The following CCSER2 variants were observed in gnomAD, a reference collection of about 807,000 sequenced individuals.
The protein encoded by CCSER2 is serine-rich coiled-coil domain-containing protein 2.
Under a neutral mutation model 92.3 loss-of-function variants are expected in CCSER2, and 46 were observed. That is an observed-to-expected ratio of 0.50 (90% CI 0.39 to 0.64). The LOEUF (loss-of-function observed/expected upper bound fraction) is 0.64, where lower values mean the gene tolerates loss of function less well. Ranked by LOEUF, CCSER2 falls within the 30% of genes least tolerant of loss-of-function variation. The pLI, the probability that CCSER2 is intolerant of heterozygous loss-of-function variation, is 0.00. For synonymous variants in CCSER2, 433 were observed against 431.4 expected (o/e 1.00, Z -0.04); for missense variants, 1,244 against 1,238.9 (o/e 1.00, Z -0.06).
At chr10:84,382,403 C>T (rs1425176453) in intron 3 of CCSER2, among the ~76,000 whole-genome samples, 1 of 152,158 alleles carries the variant, frequency 6.6e-6, no homozygotes, top group Non-Finnish European at 1.5e-5. Context: ...CTCTCAGTCT[C>T]AGAATTTTTG....
At chr10:84,462,254 C>CT (rs1182050955) in intron 6 of CCSER2, among the ~76,000 whole-genome samples, 2 of 152,168 alleles carry the variant, frequency 1.3e-5, no homozygotes, top group East Asian at 3.8e-4. Context: ...CTGGACTTCT[C>CT]TTTTTTCCTC....
chr10:84,500,084 A>C, intron 9 of CCSER2: 1 of 1,305,974 alleles, frequency 7.7e-7, no homozygotes, highest in East Asian at 2.4e-5. Flanking sequence ...CATCTGCTAA[A>C]GCAGCACTCT....
chr10:84,370,976 T>G (rs1480036637), intron 1 of CCSER2, 38 bp from the exon 2 acceptor site: 7 of 885,016 alleles, frequency 7.9e-6, no homozygotes, highest in Non-Finnish European at 1.2e-5. Context: ...TTATCCTTAT[T>G]TAGGAATGTT....
chr10:84,429,817 G>A (rs1843664459), intron 5 of CCSER2, among the ~76,000 whole-genome samples: 1 of 150,590 alleles, frequency 6.6e-6, no homozygotes, highest in African/African-American at 2.5e-5. Flanking sequence ...CTTCGCTCTG[G>A]CCACTTAACT....
intron 9 of CCSER2, among the ~76,000 whole-genome samples, chr10:84,496,971 T>TC (rs1268351015): frequency 6.6e-6 from 1 of 152,198 alleles, no homozygotes; most frequent in Non-Finnish European, 1.5e-5. Context: ...AAACTGGAAT[T>TC]CCCTGTTCTA....
chr10:84,415,707 A>T (rs1170932556), intron 3 of CCSER2, among the ~76,000 whole-genome samples: 1 of 152,074 alleles, frequency 6.6e-6, no homozygotes, highest in Admixed American at 6.5e-5. Flanking sequence ...GTTGTGGGGG[A>T]CACTTTCTTG....
intron 3 of CCSER2, among the ~76,000 whole-genome samples, chr10:84,403,413 A>G (rs1465027917): frequency 6.6e-6 from 1 of 152,174 alleles, no homozygotes; most frequent in African/African-American, 2.4e-5. Context: ...AACATAATCC[A>G]TAAGAAAGAA....
At chr10:84,483,953 T>TTTTATATA (rs1426923651) in intron 9 of CCSER2, among the ~76,000 whole-genome samples, 4 of 48,054 alleles carry the variant, frequency 8.3e-5, no homozygotes, top group South Asian at 8.3e-4. Context: ...CCCGGCTAAT[T>TTTTATATA]TATATATATA....
At chr10:84,483,432 AT>A (rs1847574676) in intron 9 of CCSER2, among the ~76,000 whole-genome samples, 1 of 151,956 alleles carries the variant, frequency 6.6e-6, no homozygotes, top group South Asian at 2.1e-4. Context: ...TGGGCCTCAG[AT>A]ATACTGGGTC....
chr10:84,484,469 T>C (rs1847682061), intron 9 of CCSER2, among the ~76,000 whole-genome samples: 1 of 147,416 alleles, frequency 6.8e-6, no homozygotes, highest in Non-Finnish European at 1.5e-5. Context: ...TGGAGAGACG[T>C]TGCATGCATG....
chr10:84,392,169 C>T (rs1259435453), intron 3 of CCSER2: 3 of 550,750 alleles, frequency 5.4e-6, no homozygotes, highest in Non-Finnish European at 9.8e-6. Context: ...GTAGGGAATA[C>T]ACTACAATCT....
intron 1 of CCSER2, among the ~76,000 whole-genome samples, chr10:84,335,537 A>G (rs1479087401): frequency 1.3e-5 from 2 of 151,878 alleles, no homozygotes; most frequent in African/African-American, 2.4e-5. Flanking sequence ...AGCCACCACA[A>G]CTGGCCCTGC....
chr10:84,431,559 T>C (rs1048270525), intron 5 of CCSER2, among the ~76,000 whole-genome samples: 7 of 152,060 alleles, frequency 4.6e-5, no homozygotes, highest in African/African-American at 1.7e-4. Context: ...TGGGCACATA[T>C]TGAGTCCTCG....
intron 9 of CCSER2, among the ~76,000 whole-genome samples, chr10:84,509,748 G>A (rs1344792913): frequency 6.6e-6 from 1 of 152,162 alleles, no homozygotes; most frequent in East Asian, 1.9e-4. Flanking sequence ...ATAGGGAGTA[G>A]TTAAGATATG....
intron 1 of CCSER2, among the ~76,000 whole-genome samples, chr10:84,347,383 CG>C (rs1260218186): frequency 6.7e-6 from 1 of 150,316 alleles, no homozygotes; most frequent in African/African-American, 2.4e-5. Context: ...ACCTCCCGGA[CG>C]GGGCGGCTGG....
Position 84,457,229 on chromosome 10 carries a change from T to A in CCSER2, c.2065-6704T>A, listed in dbSNP as rs1239240460. On this transcript the variant is annotated intron_variant, in intron 6 of 9. Coordinates refer to ENST00000372088, the MANE Select transcript of CCSER2 (RefSeq NM_001284240.2). ...TTATATATATATTACATATTATATATAAATATATTATATATTATATATTAT... is the reference window on the plus strand; with the variant it reads ...TTATATATATATTACATATTATATAAAAATATATTATATATTATATATTAT... Among the ~76,000 whole-genome samples, 13 of 85,846 alleles carry A rather than the reference T, an allele frequency of 1.5e-4. No homozygotes were observed. The East Asian group carries it at 2.9e-3, about 19-fold the overall frequency. 56.3% of individuals were successfully genotyped at this position (85,846 alleles called of 152,430 possible).
chr10:84,388,774 A>C (rs1455502318), intron 3 of CCSER2, among the ~76,000 whole-genome samples: 1 of 152,052 alleles, frequency 6.6e-6, no homozygotes, highest in East Asian at 1.9e-4. Context: ...TGCAACCTAG[A>C]TCCCTCATGT....
chr10:84,359,861 T>C (rs1303166388), intron 1 of CCSER2, among the ~76,000 whole-genome samples: 1 of 152,150 alleles, frequency 6.6e-6, no homozygotes, highest in Non-Finnish European at 1.5e-5. Flanking sequence ...TTGTCCAGGC[T>C]GGAGTGCAGT....
rs144018257 is a variant in CCSER2, at chr10:84,510,085, A to G, written c.2326-3364A>G. Among the ~76,000 whole-genome samples, 358 of 152,266 alleles carry G rather than the reference A, an allele frequency of 2.4e-3. 1 individual carries two copies. The highest frequency in any genetic ancestry group is 8.2e-3 in the African/African-American group (342 of 41,554). On this transcript the variant is annotated intron_variant, in intron 9 of 9. Coordinates refer to ENST00000372088, the MANE Select transcript of CCSER2 (RefSeq NM_001284240.2). ...CTATATCTCCCATCATCTACAGCAC[A>G]AAGTCATAGCTACTTAGCCTGACAT...
Sources: gnomAD v4.1 joint callset for allele counts (sites outside exome capture counted in the v4.1 genomes callset) on GRCh38, gnomAD v4.1.1 for gene constraint, MANE v1.5 for transcripts, NCBI Gene and HGNC (gene_info 2026-07-23, HGNC 2026-07-21) for gene names.